SOS1: variants seen among roughly 807,000 people sequenced by gnomAD.
The protein encoded by SOS1 is son of sevenless homolog 1.
A neutral mutation model predicts 157.6 loss-of-function variants in SOS1; 25 were observed. The ratio of observed to expected loss-of-function variants is 0.16; its 90% confidence interval spans 0.12 to 0.22. The LOEUF is 0.22. Ranked by LOEUF, SOS1 falls within the 10% of genes least tolerant of loss-of-function variation. SOS1 has a pLI of 1.00. For missense variants in SOS1, 1,237 were observed against 1,599.1 expected, an observed-to-expected ratio of 0.77 and a Z score of 3.86; for synonymous variants, 528 against 534.0, an observed-to-expected ratio of 0.99 and a Z score of 0.16.
intron 8 of SOS1, among the ~76,000 whole-genome samples, chr2:39,032,060 T>C (rs1442757624): frequency 6.6e-6 from 1 of 152,210 alleles, no homozygotes; most frequent in Non-Finnish European, 1.5e-5. Flanking sequence ...TAATAGGATC[T>C]TTTGATAGAT....
Position 38,995,235 on chromosome 2 carries a change from A to C in SOS1, c.3234T>G (p.Ser1078=), listed in dbSNP as rs1160239669. The C allele has an allele frequency of 6.2e-7, 1 of 1,614,102 alleles. No individual in the cohort carries two copies. Among genetic ancestry groups the C allele is most frequent in the African/African-American group, 1.3e-5 (1 of 75,048 alleles). ...ACGGTGTTCTTGGAGAATTTGGTGC[A>C]GATGCTGTACTTTCTGTTTCACTTT... ...IPESETESTA[S]APNSPRTPLT... The change falls in exon 20 of 23, where the codon TCT becomes TCG. Residue 1078 remains serine, a synonymous_variant. Transcript: ENST00000402219.
In SOS1 at chr2:39,067,761, CA is replaced by C; in HGVS notation, c.88-9del. 6.2e-7 allele frequency: 1 copy of C among 1,610,922 alleles called. No individual in the cohort carries two copies. The highest frequency in any genetic ancestry group is 8.5e-7 in the Non-Finnish European group (1 of 1,177,216). Reference sequence around the variant, plus strand: ...ATGAACTTGCCCCTGGACCTATAAACAAAAAGCAAAGTAATTAAAATGTGGG... The same window carrying C: ...ATGAACTTGCCCCTGGACCTATAAACAAAAGCAAAGTAATTAAAATGTGGG... On this transcript the variant is annotated splice_polypyrimidine_tract_variant and intron_variant, in intron 1 of 22. Coordinates refer to ENST00000402219, the MANE Select transcript of SOS1 (RefSeq NM_005633.4).
chr2:39,012,005 G>A, intron 14 of SOS1, 121 bp downstream of exon 14: 3 of 770,978 alleles, frequency 3.9e-6, no homozygotes, highest in Non-Finnish European at 6.8e-6. Context: ...CTTATTACTA[G>A]ACACTTCATG....
At chr2:39,042,381 G>A (rs917467622) in intron 6 of SOS1, among the ~76,000 whole-genome samples, 2 of 151,936 alleles carry the variant, frequency 1.3e-5, no homozygotes, top group African/African-American at 4.8e-5. Context: ...GATCTTCCTT[G>A]TGAATCTAAT....
chr2:39,090,339 G>A (rs1383156539), intron 1 of SOS1, among the ~76,000 whole-genome samples: 1 of 152,016 alleles, frequency 6.6e-6, no homozygotes, highest in Non-Finnish European at 1.5e-5. Context: ...TGTGGGGGCT[G>A]GGGGCTGGTT....
chr2:39,102,530 C>CAAAAAAAAAAA (rs70954782), intron 1 of SOS1, among the ~76,000 whole-genome samples: 1 of 50,594 alleles, frequency 2.0e-5, no homozygotes. Flanking sequence ...GACTCCATCT[C>CAAAAAAAAAAA]AAAAAAAAAA....
intron 17 of SOS1, among the ~76,000 whole-genome samples, chr2:38,998,196 T>C (rs150223062): frequency 6.6e-6 from 1 of 152,286 alleles, no homozygotes; most frequent in East Asian, 1.9e-4. Context: ...ATAAAGGCTC[T>C]GGAACCAGTT....
rs1673853010 is a variant in SOS1 at position 39,120,814 on chromosome 2, G to T, written c.-392C>A. ...CCCGCGGCGGAGCTGGCGGCTGGGG[G>T]AGGACGTGTGGAGGGACGCTCCGGC... On this transcript the variant is annotated 5_prime_UTR_variant, in exon 1 of 23. Transcript: ENST00000402219. Among the ~76,000 whole-genome samples the T allele has an allele frequency of 6.6e-6, 1 of 150,628 alleles. No individual in the cohort carries two copies. Among genetic ancestry groups the T allele is most frequent in the Admixed American group, 6.6e-5 (1 of 15,166 alleles).
At chr2:39,022,417 C>T (rs1669826837) in intron 10 of SOS1, 153 bp downstream of exon 10, 1 of 654,954 alleles carries the variant, frequency 1.5e-6, no homozygotes, top group Non-Finnish European at 2.7e-6. Flanking sequence ...GTAAAACATT[C>T]CAAAGAAATA....
intron 1 of SOS1, among the ~76,000 whole-genome samples, chr2:39,103,881 G>C (rs1387641204): frequency 6.6e-6 from 1 of 152,192 alleles, no homozygotes; most frequent in Admixed American, 6.5e-5. Flanking sequence ...GTTTAAATGA[G>C]AGAAAATATT....
chr2:39,106,934 GTTTGTGGT>G (rs1673215537), intron 1 of SOS1, among the ~76,000 whole-genome samples: 1 of 152,172 alleles, frequency 6.6e-6, no homozygotes, highest in Non-Finnish European at 1.5e-5. Flanking sequence ...TTACTGTTCT[GTTTGTGGT>G]TTTGCATATT....
At chr2:39,085,311 G>C (rs966861191) in intron 1 of SOS1, among the ~76,000 whole-genome samples, 1 of 152,206 alleles carries the variant, frequency 6.6e-6, no homozygotes, top group Admixed American at 6.5e-5. Context: ...GCCTCCCAAA[G>C]TATTGGTATT....
rs1668521550 is a variant in SOS1 at position 38,985,342 on chromosome 2, G to C, written c.*482C>G. 5.2e-6 allele frequency: 1 copy of C among 190,804 alleles called. No homozygotes were observed. The highest frequency in any genetic ancestry group is 1.1e-5 in the Non-Finnish European group (1 of 91,130). 11.8% of individuals were successfully genotyped at this position (190,804 alleles called of 1,614,324 possible). A position where few individuals can be genotyped will look rare whatever the true frequency, so the allele number is the denominator to read the frequency against. ...CCACAGCCTTTCCTCACAGTCCTTT[G>C]AGTGATTTTTAAGAAAATATTCTAA... On this transcript the variant is annotated 3_prime_UTR_variant, in exon 23 of 23. Coordinates refer to ENST00000402219, the MANE Select transcript of SOS1 (RefSeq NM_005633.4).
chr2:39,004,033 C>G (rs1010348507), intron 17 of SOS1, among the ~76,000 whole-genome samples: 1 of 152,106 alleles, frequency 6.6e-6, no homozygotes. Flanking sequence ...AAAAACTGCC[C>G]CCTGCTGAGA....
At chr2:39,068,304 T>C (rs1218930544) in intron 1 of SOS1, among the ~76,000 whole-genome samples, 2 of 152,310 alleles carry the variant, frequency 1.3e-5, no homozygotes, top group East Asian at 3.9e-4. Flanking sequence ...ATGGTTACAA[T>C]ATGATGCAGA....
chr2:39,064,741 C>T (rs894880513), intron 2 of SOS1, among the ~76,000 whole-genome samples: 27 of 49,074 alleles, frequency 5.5e-4, no homozygotes, highest in Admixed American at 3.5e-3. Flanking sequence ...TTTTAAAATA[C>T]ATTTTTTTTT....
chr2:39,108,376 C>A (rs1429900740), intron 1 of SOS1, among the ~76,000 whole-genome samples: 1 of 152,210 alleles, frequency 6.6e-6, no homozygotes, highest in Non-Finnish European at 1.5e-5. Flanking sequence ...TTGCTCCCCA[C>A]TGCTGACAAG....
intron 1 of SOS1, among the ~76,000 whole-genome samples, chr2:39,110,035 T>TGTGC (rs1252079618): frequency 7.0e-5 from 9 of 129,478 alleles, no homozygotes; most frequent in Non-Finnish European, 1.3e-4. Flanking sequence ...GTTGTGTGTG[T>TGTGC]GTGCGTGTGT....
At chr2:39,073,530 C>T (rs887169927) in intron 1 of SOS1, among the ~76,000 whole-genome samples, 2 of 152,142 alleles carry the variant, frequency 1.3e-5, no homozygotes, top group Non-Finnish European at 2.9e-5. Context: ...TCACTATATT[C>T]AATTAAAGAT....
Sources: allele counts gnomAD v4.1 joint callset (sites outside exome capture counted in the v4.1 genomes callset), GRCh38; gene constraint gnomAD v4.1.1; transcripts MANE v1.5; gene names NCBI Gene and HGNC (gene_info 2026-07-23, HGNC 2026-07-21).